The following DNAH11 variants were observed in gnomAD, a reference collection of about 807,000 sequenced individuals.
The protein encoded by DNAH11 is axonemal beta dynein heavy chain 11.
Under a neutral mutation model 526.0 loss-of-function variants are expected in DNAH11, and 442 were observed. The ratio of observed to expected loss-of-function variants is 0.84; its 90% CI spans 0.78 to 0.91. DNAH11 has a LOEUF of 0.91. DNAH11 is among the 40% of genes least tolerant of loss of function. The probability of loss-of-function intolerance (pLI) is 0.00; values close to 1 mark genes in which losing one functional copy is unlikely to be tolerated. For missense variants in DNAH11, 6,989 were observed against 5,448.7 expected, an observed-to-expected ratio of 1.28 and a Z score of -8.90; for synonymous variants, 2,461 against 1,935.9, an observed-to-expected ratio of 1.27 and a Z score of -7.12.
At chr7:21,757,828 A>G (rs942424783) in intron 54 of DNAH11, among the ~76,000 whole-genome samples, 1 of 152,158 alleles carries the variant, frequency 6.6e-6, no homozygotes, top group Non-Finnish European at 1.5e-5. Flanking sequence ...AAGCCAAAAA[A>G]CTTAGTGGTA....
At chr7:21,609,212 G>C (rs992440868) in intron 20 of DNAH11, among the ~76,000 whole-genome samples, 3 of 151,454 alleles carry the variant, frequency 2.0e-5, no homozygotes, top group East Asian at 1.9e-4. Context: ...TTTTCCTTTC[G>C]TTTTTCTTTT....
At position 21,620,015 on chromosome 7, in the gene DNAH11, T is replaced by A; in HGVS notation, c.4437T>A (p.Tyr1479Ter). ...TGAAGTTTTCTTACGAAGTTCACTA[T>A]CGAACAGGCATTCCATTACTAAAGT... Reference protein sequence around the residue: ...ATMKFSYEVHYRTGIPLLKSD... With the variant: ...ATMKFSYEVH Residue 1479 changes from tyrosine (Y) to a stop codon, truncating the protein, a stop_gained, in exon 25 of 82, where the codon TAT becomes TAA. Coordinates refer to ENST00000409508, the MANE Select transcript of DNAH11 (RefSeq NM_001277115.2). LOFTEE classifies it high-confidence loss of function. The A allele has an allele frequency of 6.2e-7, 1 of 1,610,220 alleles. No homozygotes were observed. The highest frequency in any genetic ancestry group is 8.5e-7 in the Non-Finnish European group (1 of 1,178,670).
chr7:21,738,825 G>T lies in DNAH11; in HGVS notation c.7770G>T (p.Gln2590His). Residue 2590 changes from glutamine (Q) to histidine (H), a missense_variant, in exon 47 of 82, where the codon CAG becomes CAT. Transcript: ENST00000409508. ...AAGTGGACTTATATGGCACCGTTCA[G>T]CCTCACACCCTGATCCGGCAGCATA... is the stretch of plus-strand genomic sequence containing the variant. ...MPEVDLYGTV[Q>H]PHTLIRQHID... The T allele has an allele frequency of 1.9e-6, 3 of 1,606,122 alleles. No homozygotes were observed. Among genetic ancestry groups the T allele is most frequent in the Non-Finnish European group, 2.6e-6 (3 of 1,176,320 alleles).
intron 61 of DNAH11, among the ~76,000 whole-genome samples, chr7:21,798,329 C>G (rs1788809769): frequency 6.6e-6 from 1 of 152,220 alleles, no homozygotes; most frequent in South Asian, 2.1e-4. Context: ...GTCCTGACCT[C>G]AGGTGATCCA....
In DNAH11 at chr7:21,591,392, G is replaced by C. The variant is rs1240395653; in HGVS notation, c.2482G>C (p.Glu828Gln). The change falls in exon 14 of 82, where the codon GAG becomes CAG. Residue 828 changes from glutamate to glutamine, a missense_variant. Transcript: ENST00000409508. Reference protein sequence around the residue: ...AATSELEHRVERTQKNVKVIQ... With the variant: ...AATSELEHRVQRTQKNVKVIQ... ...CACGTCCGAGTTGGAGCACAGAGTT[G>C]AGCGCACACAGAAAAACGTGAAGGT... 6.2e-7 allele frequency: 1 copy of C among 1,613,814 alleles called. No individual in the cohort carries two copies. The highest frequency in any genetic ancestry group is 8.5e-7 in the Non-Finnish European group (1 of 1,179,876).
intron 74 of DNAH11, among the ~76,000 whole-genome samples, chr7:21,877,689 A>C (rs1335429364): frequency 6.6e-6 from 1 of 151,868 alleles, no homozygotes; most frequent in Non-Finnish European, 1.5e-5. Context: ...TCCTGGCTAA[A>C]AAGGTGAAAC....
chr7:21,795,879 C>G (rs966556989), intron 61 of DNAH11, among the ~76,000 whole-genome samples: 1 of 152,168 alleles, frequency 6.6e-6, no homozygotes, highest in Non-Finnish European at 1.5e-5. Context: ...TTTGGAGGAG[C>G]AGTTTCCTCT....
chr7:21,626,745 CTTTTTT>C (rs34136253), intron 25 of DNAH11, among the ~76,000 whole-genome samples: 5 of 66,380 alleles, frequency 7.5e-5, no homozygotes, highest in African/African-American at 1.2e-4. Context: ...TTCTGTATGT[CTTTTTT>C]TTTTTTTTTT....
chr7:21,754,874 G>A (rs1786562112), intron 54 of DNAH11, among the ~76,000 whole-genome samples: 1 of 152,092 alleles, frequency 6.6e-6, no homozygotes. Flanking sequence ...TTTAATTTAT[G>A]TATGTTACCC....
intron 18 of DNAH11, among the ~76,000 whole-genome samples, chr7:21,602,916 TA>T (rs745346985): frequency 1.3e-5 from 2 of 152,180 alleles, no homozygotes; most frequent in Non-Finnish European, 2.9e-5. Flanking sequence ...CATATAAAAG[TA>T]ACCATTTAAA....
rs59727118 is a variant in DNAH11 at position 21,594,063 on chromosome 7, T to TACACACACACACAC, written c.2667+2509_2667+2522dup. ...TCATGCACACTCTTTCATACACACA[T>TACACACACACACAC]ACACACACACACACACACACACACA... On this transcript the variant is annotated intron_variant, in intron 14 of 81. Coordinates refer to ENST00000409508, the MANE Select transcript of DNAH11 (RefSeq NM_001277115.2). Among the ~76,000 whole-genome samples, 871 of 137,588 alleles carry TACACACACACACAC rather than the reference T, an allele frequency of 6.3e-3. 7 individuals are homozygous for TACACACACACACAC. The highest frequency in any genetic ancestry group is 0.03 in the East Asian group (126 of 4,234). The allele number at this position is 137,588 out of a possible 152,430, so 90.3% of individuals were successfully genotyped here. A position where few individuals can be genotyped will look rare whatever the true frequency, so the allele number is the denominator to read the frequency against.
intron 28 of DNAH11, among the ~76,000 whole-genome samples, chr7:21,653,934 A>G (rs1157935747): frequency 3.3e-5 from 5 of 152,150 alleles, no homozygotes; most frequent in African/African-American, 9.7e-5. Flanking sequence ...GCAGGTTGCT[A>G]TTGTTTCTAG....
intron 29 of DNAH11, among the ~76,000 whole-genome samples, chr7:21,658,174 T>C (rs1183197731): frequency 6.6e-6 from 1 of 152,064 alleles, no homozygotes; most frequent in Non-Finnish European, 1.5e-5. Context: ...AAAAAAAAGA[T>C]TAATTTTTAC....
At chr7:21,699,191 A>G (rs1783964676) in intron 36 of DNAH11, among the ~76,000 whole-genome samples, 1 of 152,092 alleles carries the variant, frequency 6.6e-6, no homozygotes, top group Non-Finnish European at 1.5e-5. Flanking sequence ...AATTATTCTC[A>G]TTTATTGGTA....
intron 61 of DNAH11, among the ~76,000 whole-genome samples, chr7:21,800,822 T>C (rs1283892644): frequency 1.3e-5 from 2 of 152,148 alleles, no homozygotes; most frequent in Non-Finnish European, 2.9e-5. Context: ...CAGAGGGGGA[T>C]GATAGTGCAC....
intron 60 of DNAH11, among the ~76,000 whole-genome samples, chr7:21,787,851 A>G (rs1312760128): frequency 6.6e-6 from 1 of 152,128 alleles, no homozygotes; most frequent in African/African-American, 2.4e-5. Flanking sequence ...TTTTATATGA[A>G]TTTTACTTAT....
At chr7:21,584,062 G>A (rs1241230701) in intron 9 of DNAH11, among the ~76,000 whole-genome samples, 1 of 152,136 alleles carries the variant, frequency 6.6e-6, no homozygotes, top group Non-Finnish European at 1.5e-5. Context: ...ATTTGACCTG[G>A]CAATACCATT....
At chr7:21,709,275 A>G (rs764514617) in intron 40 of DNAH11, among the ~76,000 whole-genome samples, 2 of 152,226 alleles carry the variant, frequency 1.3e-5, no homozygotes, top group Non-Finnish European at 2.9e-5. Flanking sequence ...TTTTTCAGCA[A>G]CATGGATGTA....
intron 8 of DNAH11, among the ~76,000 whole-genome samples, chr7:21,573,704 C>T (rs10950860): frequency 0.088 from 13,309 of 152,048 alleles, 1,067 homozygotes; most frequent in East Asian, 0.29. Flanking sequence ...CATATATTTG[C>T]ATGTACATAT....
Sources: allele counts gnomAD v4.1 joint callset (sites outside exome capture counted in the v4.1 genomes callset), GRCh38; gene constraint gnomAD v4.1.1; transcripts MANE v1.5; gene names NCBI Gene and HGNC (gene_info 2026-07-23, HGNC 2026-07-21).